SUGCT: variants seen among roughly 807,000 people sequenced by gnomAD.
SUGCT encodes succinyl-CoA:glutarate CoA-transferase.
A neutral mutation model predicts 55.0 loss-of-function variants in SUGCT; 41 were observed. The observed-to-expected ratio is 0.74, with a 90% CI of 0.58 to 0.97. The LOEUF (loss-of-function observed/expected upper bound fraction) is 0.97, where lower values mean the gene tolerates loss of function less well. Ranked by LOEUF, SUGCT falls within the 50% of genes least tolerant of loss-of-function variation. The pLI, the probability that SUGCT is intolerant of heterozygous loss-of-function variation, is 0.00. For synonymous variants in SUGCT, 187 were observed against 200.4 expected (o/e 0.93, Z 0.56); for missense variants, 568 against 547.8 (o/e 1.04, Z -0.37).
At chr7:40,772,535 T>TATCTA (rs1231647883) in intron 13 of SUGCT, among the ~76,000 whole-genome samples, 2 of 151,414 alleles carry the variant, frequency 1.3e-5, no homozygotes, top group African/African-American at 4.9e-5. Flanking sequence ...TCTATCTATC[T>TATCTA]ATCTATCTAT....
At chr7:40,661,579 T>C (rs150533771) in intron 12 of SUGCT, among the ~76,000 whole-genome samples, 2 of 152,180 alleles carry the variant, frequency 1.3e-5, no homozygotes, top group Non-Finnish European at 2.9e-5. Flanking sequence ...TCACCCTAAA[T>C]TTTCCCCTCT....
At chr7:40,912,063 T>C in the SUGCT span, among the ~76,000 whole-genome samples, 7 of 152,226 alleles carry the variant, frequency 4.6e-5, no homozygotes, top group Non-Finnish European at 1.0e-4. Context: ...ACAAATTTAC[T>C]GCCCTGAAAT....
chr7:40,826,831 T>G (rs983001061), intron 13 of SUGCT, among the ~76,000 whole-genome samples: 15 of 152,166 alleles, frequency 9.9e-5, no homozygotes, highest in Admixed American at 7.9e-4. Context: ...GGTATTTCTT[T>G]TAAGTATTAA....
In SUGCT at chr7:40,597,890, T is replaced by A. The variant is rs890148148; in HGVS notation, c.1089+101504T>A. ...CTATCCTGACAAATATAGGTACTAT[T>A]TTTTATTTTCCAGCTAATCTTTGAG... On this transcript the variant is annotated intron_variant, in intron 12 of 13. Coordinates refer to ENST00000335693, the MANE Select transcript of SUGCT (RefSeq NM_001193313.2). Among the ~76,000 whole-genome samples the A allele has an allele frequency of 2.2e-4, 34 of 152,208 alleles. 2 individuals carry two copies. Among genetic ancestry groups the A allele is most frequent in the Non-Finnish European group, 7.3e-5 (5 of 68,032 alleles).
intron 12 of SUGCT, among the ~76,000 whole-genome samples, chr7:40,570,947 C>T (rs1469056103): frequency 2.0e-5 from 3 of 148,056 alleles, no homozygotes; most frequent in African/African-American, 7.6e-5. Context: ...GCAACCTCCG[C>T]CTCCTGGATT....
intron 1 of SUGCT, among the ~76,000 whole-genome samples, chr7:40,159,019 G>C (rs1235107603): frequency 6.6e-6 from 1 of 152,178 alleles, no homozygotes; most frequent in Non-Finnish European, 1.5e-5. Context: ...TGGCTCAAGT[G>C]ATCCTCCTAC....
At chr7:40,912,675 G>GT in the SUGCT span, among the ~76,000 whole-genome samples, 1 of 146,418 alleles carries the variant, frequency 6.8e-6, no homozygotes, top group Non-Finnish European at 1.5e-5. Flanking sequence ...TGTAAGAATT[G>GT]TTCTTAGTTT....
At position 40,278,852 on chromosome 7, in the gene SUGCT, G is replaced by A. The variant is rs541195680; in HGVS notation, c.720+4196G>A. 7.7e-4 allele frequency among the ~76,000 whole-genome samples: 114 copies of A among 148,604 alleles called. 1 individual carries two copies. The highest frequency in any genetic ancestry group is 2.1e-3 in the Admixed American group (31 of 14,832). On this transcript the variant is annotated intron_variant, in intron 8 of 13. Coordinates refer to ENST00000335693, the MANE Select transcript of SUGCT (RefSeq NM_001193313.2). Reference sequence around the variant, plus strand: ...ATTTTTTTTTTTTTTAAAGAGATACGGTCTCGTGCTTTTGTCCAGGTTGGA... The same window carrying A: ...ATTTTTTTTTTTTTTAAAGAGATACAGTCTCGTGCTTTTGTCCAGGTTGGA...
At chr7:40,160,922 A>G (rs1266309501) in intron 1 of SUGCT, among the ~76,000 whole-genome samples, 1 of 151,960 alleles carries the variant, frequency 6.6e-6, no homozygotes, top group East Asian at 1.9e-4. Context: ...ACTGATATAT[A>G]CACACACACA....
chr7:40,932,752 CTT>C, the SUGCT span, among the ~76,000 whole-genome samples: 70 of 127,672 alleles, frequency 5.5e-4, no homozygotes, highest in Admixed American at 6.4e-4. Context: ...GCAACCTCTG[CTT>C]TTTTTTTTTT....
chr7:40,414,421 T>G (rs1307595051), intron 9 of SUGCT, among the ~76,000 whole-genome samples: 1 of 152,194 alleles, frequency 6.6e-6, no homozygotes, highest in Admixed American at 6.5e-5. Flanking sequence ...TAGGGCTCAG[T>G]GCTGTTTGCG....
rs560045852 is a variant in SUGCT, at chr7:40,562,716, G to A, written c.1089+66330G>A. On this transcript the variant is annotated intron_variant, in intron 12 of 13. Coordinates refer to ENST00000335693, the MANE Select transcript of SUGCT (RefSeq NM_001193313.2). ...GGATTTAGAAGGTTCTCCTGTTTAG[G>A]TCTGAGAGATAGGAAGAAGGACCAA... Among the ~76,000 whole-genome samples the A allele has an allele frequency of 1.1e-4, 16 of 152,260 alleles. No individual in the cohort carries two copies. The South Asian group carries it at 3.3e-3, about 32-fold the overall frequency.
intron 11 of SUGCT, among the ~76,000 whole-genome samples, chr7:40,495,883 T>G (rs1261917811): frequency 6.6e-6 from 1 of 152,216 alleles, no homozygotes; most frequent in Non-Finnish European, 1.5e-5. Flanking sequence ...ATTAGTATTT[T>G]TTTTGTTTTG....
intron 12 of SUGCT, among the ~76,000 whole-genome samples, chr7:40,685,699 CT>C (rs1784433861): frequency 6.7e-6 from 1 of 149,272 alleles, no homozygotes. Flanking sequence ...TAGTGTAGAT[CT>C]TTTGTCCAAC....
At chr7:40,325,682 G>A (rs910673405) in intron 9 of SUGCT, among the ~76,000 whole-genome samples, 10 of 151,910 alleles carry the variant, frequency 6.6e-5, no homozygotes, top group South Asian at 2.1e-4. Context: ...GGTGCGTGCC[G>A]GTAATCCCAG....
At chr7:40,789,451 G>A (rs1178487497) in intron 13 of SUGCT, among the ~76,000 whole-genome samples, 1 of 152,136 alleles carries the variant, frequency 6.6e-6, no homozygotes, top group African/African-American at 2.4e-5. Flanking sequence ...CAAAATAGCA[G>A]GTGGTAGGAT....
chr7:40,280,428 G>A (rs566290735), intron 8 of SUGCT, among the ~76,000 whole-genome samples: 1 of 152,304 alleles, frequency 6.6e-6, no homozygotes, highest in East Asian at 1.9e-4. Context: ...GTGGCCTACA[G>A]AAATATCTTT....
chr7:40,346,903 C>T (rs1452220402), intron 9 of SUGCT, among the ~76,000 whole-genome samples: 1 of 152,180 alleles, frequency 6.6e-6, no homozygotes, highest in Non-Finnish European at 1.5e-5. Flanking sequence ...TCAGCTGGAA[C>T]GCGATTCTCG....
At chr7:40,490,153 C>T (rs1454900983) in intron 11 of SUGCT, among the ~76,000 whole-genome samples, 2 of 152,194 alleles carry the variant, frequency 1.3e-5, no homozygotes, top group Admixed American at 6.5e-5. Context: ...AATGAGAGCA[C>T]CAGCTTTGTG....
Sources: gnomAD v4.1 joint callset for allele counts (sites outside exome capture counted in the v4.1 genomes callset) on GRCh38, gnomAD v4.1.1 for gene constraint, MANE v1.5 for transcripts, NCBI Gene and HGNC (gene_info 2026-07-23, HGNC 2026-07-21) for gene names.